SLC6A20: variants seen among roughly 807,000 people sequenced by gnomAD.
SLC6A20 encodes the protein sodium- and chloride-dependent transporter XTRP3.
A neutral mutation model predicts 64.3 loss-of-function variants in SLC6A20; 73 were observed. That is an observed-to-expected ratio of 1.14 (90% confidence interval 0.94 to 1.38). The LOEUF (loss-of-function observed/expected upper bound fraction) is 1.38. SLC6A20 is among the 40% of genes most tolerant of loss of function. The probability of loss-of-function intolerance (pLI) is 0.00; values close to 1 mark genes in which losing one functional copy is unlikely to be tolerated. For synonymous variants in SLC6A20, 347 were observed against 329.6 expected, an observed-to-expected ratio of 1.05 and a Z score of -0.57; for missense variants, 725 against 772.8, an observed-to-expected ratio of 0.94 and a Z score of 0.73.
Position 45,776,319 on chromosome 3 carries a change from C to A in SLC6A20, c.355-331G>T, listed in dbSNP as rs146607724. Among the ~76,000 whole-genome samples, 445 of 152,288 alleles carry A rather than the reference C, an allele frequency of 2.9e-3. 2 individuals carry two copies. The highest frequency in any genetic ancestry group is 5.3e-3 in the Non-Finnish European group (362 of 68,034). On this transcript the variant is annotated intron_variant, in intron 3 of 10. Transcript: ENST00000358525. ...GCCAGCCCTGATGATGGAACTCCGA[C>A]CCACGGCCTGTGCACAATCAGCTCA...
chr3:45,784,321 C>A (rs1428296560), intron 1 of SLC6A20, among the ~76,000 whole-genome samples: 2 of 152,188 alleles, frequency 1.3e-5, no homozygotes, highest in African/African-American at 4.8e-5. Flanking sequence ...TGAAACTCAA[C>A]CCATATCTCA....
chr3:45,759,411 A>G (rs1699621387), intron 10 of SLC6A20, among the ~76,000 whole-genome samples: 1 of 152,244 alleles, frequency 6.6e-6, no homozygotes, highest in Non-Finnish European at 1.5e-5. Context: ...AACCATGGTA[A>G]TAATCAAGCA....
chr3:45,775,032 T>G (rs1699940461), intron 4 of SLC6A20, among the ~76,000 whole-genome samples: 1 of 152,172 alleles, frequency 6.6e-6, no homozygotes, highest in Non-Finnish European at 1.5e-5. Flanking sequence ...CCGAGACATC[T>G]GCTGAAGCTT....
At position 45,757,267 on chromosome 3, in the gene SLC6A20, C is replaced by G. The variant is rs932001487; in HGVS notation, c.*1711G>C. The G allele has an allele frequency of 6.6e-6, 1 of 151,508 alleles. No homozygotes were observed. Among genetic ancestry groups the G allele is most frequent in the South Asian group, 2.1e-4 (1 of 4,776 alleles). 9.4% of individuals were successfully genotyped at this position (151,508 alleles called of 1,614,324 possible). A position where few individuals can be genotyped will look rare whatever the true frequency, so the allele number is the denominator to read the frequency against. On this transcript the variant is annotated 3_prime_UTR_variant, in exon 11 of 11. Transcript: ENST00000358525. Reference sequence around the variant, plus strand: ...TCCTCTTATCTCAACTGCAAAGAGGCCTCCCTCCTTCACTATTCCTCCTCA... The same window carrying G: ...TCCTCTTATCTCAACTGCAAAGAGGGCTCCCTCCTTCACTATTCCTCCTCA...
Position 45,762,884 on chromosome 3 carries a change from A to G in SLC6A20, c.1463+29T>C, listed in dbSNP as rs907188184. The G allele has an allele frequency of 8.7e-6, 14 of 1,612,046 alleles. No homozygotes were observed. In the South Asian group the frequency reaches 1.2e-4, roughly 14 times the overall value. ...TGGCCTCTGTGGCTGTGTTTTCCCT[A>G]TGCAAATGAGGGTCCTGGGCCTCCT... On this transcript the variant is annotated intron_variant, in intron 9 of 10. Transcript: ENST00000358525.
chr3:45,771,591 G>A (rs1699869661), intron 5 of SLC6A20, 133 bp from the exon 6 acceptor site: 3 of 1,410,842 alleles, frequency 2.1e-6, no homozygotes, highest in African/African-American at 2.9e-5. Context: ...CACCCCTAGG[G>A]CTGGAGACCA....
intron 2 of SLC6A20, 50 bp downstream of exon 2, chr3:45,782,033 C>A: frequency 1.3e-6 from 2 of 1,531,396 alleles, no homozygotes; most frequent in Admixed American, 2.0e-5. Context: ...CCCACACCCC[C>A]ATGCTGCCCG....
rs1700352155 is a variant in SLC6A20 at position 45,796,495 on chromosome 3, C to A, written c.-76G>T. The A allele has an allele frequency of 6.9e-7, 1 of 1,449,802 alleles. No individual in the cohort carries two copies. Among genetic ancestry groups the A allele is most frequent in the Non-Finnish European group, 9.1e-7 (1 of 1,092,944 alleles). The allele number at this position is 1,449,802 out of a possible 1,614,324, so 89.8% of individuals were successfully genotyped here. On this transcript the variant is annotated 5_prime_UTR_variant, in exon 1 of 11. Coordinates refer to ENST00000358525, the MANE Select transcript of SLC6A20 (RefSeq NM_020208.4). ...TCTCAGTGCGCGGTCGCCAGGCGCGCCGTCCCACCCCGGCTCGGCTTGGGG... is the reference window on the plus strand; with the variant it reads ...TCTCAGTGCGCGGTCGCCAGGCGCGACGTCCCACCCCGGCTCGGCTTGGGG...
In SLC6A20 at chr3:45,759,903, T is replaced by C; in HGVS notation, c.1583A>G (p.Tyr528Cys). The change falls in exon 10 of 11, where the codon TAC becomes TGC. Residue 528 changes from tyrosine (Y) to cysteine (C), a missense_variant. Coordinates refer to ENST00000358525, the MANE Select transcript of SLC6A20 (RefSeq NM_020208.4). ...VSLFVFYLSD[Y>C]ILTGTLKYQA... is the part of the protein sequence containing the mutation. ...ATACTTCAGGGTCCCCGTGAGGATG[T>C]AGTCGCTCAGGTAGAAGACAAAGAG... is the stretch of plus-strand genomic sequence containing the variant. 1 of 1,614,124 alleles carries C rather than the reference T, an allele frequency of 6.2e-7. No homozygotes were observed. The highest frequency in any genetic ancestry group is 1.1e-5 in the South Asian group (1 of 91,088).
rs1468541 is a variant in SLC6A20 at position 45,772,811 on chromosome 3, T to C, written c.583-196A>G. On this transcript the variant is annotated intron_variant, in intron 4 of 10. Coordinates refer to ENST00000358525, the MANE Select transcript of SLC6A20 (RefSeq NM_020208.4). Reference sequence around the variant, plus strand: ...GGGAAGTGGGCTGGTGGGATGTGGTTGCTCACAGCTGTGACCAGCACGACA... The same window carrying C: ...GGGAAGTGGGCTGGTGGGATGTGGTCGCTCACAGCTGTGACCAGCACGACA... Among the ~76,000 whole-genome samples, 138,078 of 152,042 alleles carry C rather than the reference T, an allele frequency of 0.91. 63,094 individuals carry two copies. The highest frequency in any genetic ancestry group is 0.98 in the South Asian group (4,726 of 4,808).
At chr3:45,790,403 T>C (rs541884437) in intron 1 of SLC6A20, 2 of 152,250 alleles carry the variant, frequency 1.3e-5, no homozygotes, top group South Asian at 4.1e-4. Flanking sequence ...GGTTCCACTT[T>C]GGGAACCACT....
Position 45,770,389 on chromosome 3 carries a change from G to A in SLC6A20, c.936-18C>T, listed in dbSNP as rs115535431. ...GACTCACCCTGCAGAGCAGACCATC[G>A]GATCGACCTTCACTGATCAGAAAGG... On this transcript the variant is annotated intron_variant, in intron 6 of 10. Transcript: ENST00000358525. 5.0e-4 allele frequency: 814 copies of A among 1,612,886 alleles called. 5 individuals carry two copies. The African/African-American group carries it at 8.9e-3, about 18-fold the overall frequency.
chr3:45,775,875 G>A lies in SLC6A20; in HGVS notation c.468C>T (p.Ile156=), dbSNP rs1406411011. ...CCCCGTTCTCCTGGAGGGACGGCGA[G>A]ATATTGAGGGTTTTCCTGTACCAGA... ...QYFWYRKTLN[I]SPSLQENGGV... Residue 156 remains isoleucine (I), a synonymous_variant, in exon 4 of 11, where the codon ATC becomes ATT. Coordinates refer to ENST00000358525, the MANE Select transcript of SLC6A20 (RefSeq NM_020208.4). 3 of 1,614,082 alleles carry A rather than the reference G, an allele frequency of 1.9e-6. No homozygotes were observed. The highest frequency in any genetic ancestry group is 1.3e-5 in the African/African-American group (1 of 74,930).
chr3:45,790,645 A>T (rs1397602081), intron 1 of SLC6A20: 1 of 152,686 alleles, frequency 6.5e-6, no homozygotes, highest in Non-Finnish European at 1.5e-5. Flanking sequence ...CTCCTTGCTC[A>T]TCCCCTCGGG....
At chr3:45,779,205 G>A (rs548867692) in intron 3 of SLC6A20, among the ~76,000 whole-genome samples, 1 of 152,378 alleles carries the variant, frequency 6.6e-6, no homozygotes, top group South Asian at 2.1e-4. Context: ...CAACTGGGAA[G>A]AAGCCAAGGT....
intron 4 of SLC6A20, among the ~76,000 whole-genome samples, chr3:45,773,049 T>C (rs1165458791): frequency 3.3e-5 from 5 of 152,098 alleles, no homozygotes; most frequent in Admixed American, 3.3e-4. Flanking sequence ...ATAGAATCTG[T>C]GCATAAGTCT....
chr3:45,772,815 C>T (rs1008510050), intron 4 of SLC6A20, among the ~76,000 whole-genome samples, 200 bp from the exon 5 acceptor site: 43 of 152,038 alleles, frequency 2.8e-4, no homozygotes, highest in Non-Finnish European at 4.9e-4. Context: ...TGTGGTTGCT[C>T]ACAGCTGTGA....
rs1223791834 is a variant in SLC6A20, at chr3:45,765,773, C to T, written c.1099-32G>A. On this transcript the variant is annotated intron_variant, in intron 7 of 10. Coordinates refer to ENST00000358525, the MANE Select transcript of SLC6A20 (RefSeq NM_020208.4). This position sits in a 1 kb window ranked among gnomAD's most constrained non-coding sequence, Gnocchi z 4.2. Reference sequence around the variant, plus strand: ...AGGGTGAGAAGACACCAGTTACATGCAAGAGGGACTTATAGTCTTATTCAC... The same window carrying T: ...AGGGTGAGAAGACACCAGTTACATGTAAGAGGGACTTATAGTCTTATTCAC... 1.2e-6 allele frequency: 2 copies of T among 1,612,032 alleles called. No individual in the cohort carries two copies. The highest frequency in any genetic ancestry group is 2.2e-5 in the East Asian group (1 of 44,888).
At chr3:45,792,607 T>C (rs1404424676) in intron 1 of SLC6A20, among the ~76,000 whole-genome samples, 1 of 152,126 alleles carries the variant, frequency 6.6e-6, no homozygotes, top group Non-Finnish European at 1.5e-5. Flanking sequence ...TGCAGCACTG[T>C]TCCCTGATCC....
Sources: allele counts gnomAD v4.1 joint callset (sites outside exome capture counted in the v4.1 genomes callset), GRCh38; gene constraint gnomAD v4.1.1; non-coding constraint Gnocchi (gnomAD v3.1); transcripts MANE v1.5; gene names NCBI Gene and HGNC (gene_info 2026-07-23, HGNC 2026-07-21).